The following PRKCH variants were observed in gnomAD, a reference collection of about 807,000 sequenced individuals.
PRKCH encodes the protein protein kinase C eta.
In PRKCH, 28 loss-of-function variants were observed where a neutral mutation model predicts 82.5. The ratio of observed to expected loss-of-function variants is 0.34; its 90% CI spans 0.25 to 0.47. The LOEUF is 0.47. Among genes scored for constraint, PRKCH ranks in the 20% least tolerant of loss-of-function variants. PRKCH has a pLI of 1.00. For synonymous variants in PRKCH, 322 were observed against 327.4 expected (o/e 0.98, Z 0.18); for missense variants, 705 against 881.8 (o/e 0.80, Z 2.54).
At chr14:61,344,764 C>T (rs1291331038) in intron 1 of PRKCH, among the ~76,000 whole-genome samples, 1 of 152,094 alleles carries the variant, frequency 6.6e-6, no homozygotes, top group Non-Finnish European at 1.5e-5. Context: ...TGTGCTATTT[C>T]TAGAAGTTCC....
intron 1 of PRKCH, among the ~76,000 whole-genome samples, chr14:61,378,679 A>G (rs971097586): frequency 6.6e-6 from 1 of 152,104 alleles, no homozygotes; most frequent in Admixed American, 6.5e-5. Flanking sequence ...TCTTTCCTCC[A>G]GTTCTGCTTC....
intron 10 of PRKCH, among the ~76,000 whole-genome samples, chr14:61,506,891 G>A (rs143757075): frequency 1.8e-3 from 280 of 152,186 alleles, no homozygotes; most frequent in Non-Finnish European, 3.3e-3. Flanking sequence ...TGCTAAAATC[G>A]TCTTCCCTTG....
chr14:61,310,369 C>T (rs2045513027), intron 1 of PRKCH, among the ~76,000 whole-genome samples: 1 of 152,124 alleles, frequency 6.6e-6, no homozygotes, highest in African/African-American at 2.4e-5. Flanking sequence ...ACACCCATTC[C>T]AAATAGGAAA....
At chr14:61,204,673 A>T (rs2044508358) in intron 1 of PRKCH, among the ~76,000 whole-genome samples, 1 of 151,812 alleles carries the variant, frequency 6.6e-6, no homozygotes, top group South Asian at 2.1e-4. Context: ...AGATGGGAGG[A>T]TCACTTGAGC....
rs367827610 is a variant in PRKCH at position 61,336,348 on chromosome 14, C to T, written c.363+13884C>T. On this transcript the variant is annotated intron_variant, in intron 1 of 13. Coordinates refer to ENST00000332981, the MANE Select transcript of PRKCH (RefSeq NM_006255.5). ...GGAAGAGAAGATGGCTTCCTTATCC[C>T]GGAATCACAGGGATTGGGGGTAAAT... 3.0e-4 allele frequency among the ~76,000 whole-genome samples: 46 copies of T among 152,248 alleles called. 1 individual carries two copies. The highest frequency in any genetic ancestry group is 1.0e-3 in the African/African-American group (43 of 41,532).
intron 2 of PRKCH, among the ~76,000 whole-genome samples, chr14:61,398,844 CAA>C (rs776601803): frequency 8.5e-5 from 13 of 152,170 alleles, no homozygotes; most frequent in Non-Finnish European, 1.8e-4. Flanking sequence ...ACCAAAGTAA[CAA>C]GAGAGAGGCA....
rs146903383 is a variant in PRKCH at position 61,343,443 on chromosome 14, C to T, written c.363+20979C>T. Among the ~76,000 whole-genome samples, 289 of 147,900 alleles carry T rather than the reference C, an allele frequency of 2.0e-3. 1 individual carries two copies. Among genetic ancestry groups the T allele is most frequent in the African/African-American group, 6.9e-3 (278 of 40,024 alleles). On this transcript the variant is annotated intron_variant, in intron 1 of 13. Transcript: ENST00000332981. The stretch of plus-strand genomic sequence containing the variant: ...GAGGCTGATGATTTCTCTTATGGAA[C>T]TATAAAAGGACTGGACTCTAAGGAA...
intron 10 of PRKCH, 102 bp from the exon 11 acceptor site, chr14:61,528,965 TGGCCGCAC>T: frequency 9.5e-7 from 1 of 1,055,760 alleles, no homozygotes; most frequent in Non-Finnish European, 1.3e-6. Flanking sequence ...CGGCCGCATG[TGGCCGCAC>T]GTGTGTGTGT....
chr14:61,439,939 A>T (rs1055409769), intron 2 of PRKCH, among the ~76,000 whole-genome samples: 1 of 152,240 alleles, frequency 6.6e-6, no homozygotes, highest in African/African-American at 2.4e-5. Context: ...AATATTAAAC[A>T]TGCAAGTGGG....
chr14:61,506,172 A>G (rs906430766), intron 10 of PRKCH, among the ~76,000 whole-genome samples: 1 of 152,160 alleles, frequency 6.6e-6, no homozygotes, highest in Admixed American at 6.5e-5. Flanking sequence ...TTTCCACTTC[A>G]CTTTGGAAAC....
At chr14:61,502,977 A>T (rs1416130172) in intron 10 of PRKCH, among the ~76,000 whole-genome samples, 5 of 149,466 alleles carry the variant, frequency 3.3e-5, no homozygotes, top group Non-Finnish European at 7.4e-5. Context: ...AAAGGAATGA[A>T]TGTAAGAGAG....
chr14:61,371,796 A>T (rs1382061888), intron 1 of PRKCH, among the ~76,000 whole-genome samples: 1 of 151,938 alleles, frequency 6.6e-6, no homozygotes, highest in East Asian at 1.9e-4. Context: ...CATAGCTCAC[A>T]CTTTAGTTGT....
At chr14:61,458,231 C>A (rs938636958) in intron 9 of PRKCH, among the ~76,000 whole-genome samples, 1 of 152,174 alleles carries the variant, frequency 6.6e-6, no homozygotes, top group Non-Finnish European at 1.5e-5. Flanking sequence ...TAATGGCGTG[C>A]GTTTAGGAAT....
At chr14:61,214,147 G>T (rs2044601486) in intron 1 of PRKCH, among the ~76,000 whole-genome samples, 1 of 152,172 alleles carries the variant, frequency 6.6e-6, no homozygotes, top group Non-Finnish European at 1.5e-5. Context: ...TGAGGAAGTG[G>T]CCTTTGGGCT....
At chr14:61,335,042 A>G (rs2045838495) in intron 1 of PRKCH, among the ~76,000 whole-genome samples, 2 of 151,968 alleles carry the variant, frequency 1.3e-5, no homozygotes, top group South Asian at 4.2e-4. Context: ...TTATTTATTT[A>G]TTTATTTTTT....
chr14:61,504,185 T>C (rs1345327233), intron 10 of PRKCH, among the ~76,000 whole-genome samples: 1 of 77,404 alleles, frequency 1.3e-5, no homozygotes, highest in African/African-American at 5.3e-5. Context: ...GAGGCCCATT[T>C]TGTTTATTGG....
At chr14:61,531,996 G>C (rs1352667407) in intron 12 of PRKCH, among the ~76,000 whole-genome samples, 3 of 152,182 alleles carry the variant, frequency 2.0e-5, no homozygotes, top group African/African-American at 4.8e-5. Context: ...CATAAACCAT[G>C]ATAACACAGC....
At chr14:61,189,224 G>A (rs1488813327) in intron 1 of PRKCH, among the ~76,000 whole-genome samples, 1 of 152,176 alleles carries the variant, frequency 6.6e-6, no homozygotes. Context: ...GAATCCCAGC[G>A]GGGTCCCCAG....
At chr14:61,527,468 G>A (rs1219847646) in intron 10 of PRKCH, among the ~76,000 whole-genome samples, 4 of 152,038 alleles carry the variant, frequency 2.6e-5, no homozygotes, top group Non-Finnish European at 5.9e-5. Context: ...TGCTTTCACC[G>A]AAGCCCTGCT....
Sources: gnomAD v4.1 joint callset for allele counts (sites outside exome capture counted in the v4.1 genomes callset) on GRCh38, gnomAD v4.1.1 for gene constraint, MANE v1.5 for transcripts, NCBI Gene and HGNC (gene_info 2026-07-23, HGNC 2026-07-21) for gene names.